Variants in EMID1 observed in about 807,000 individuals in gnomAD.
EMID1 encodes the protein EMI domain-containing protein 1.
A neutral mutation model predicts 60.6 loss-of-function variants in EMID1; 40 were observed. The observed-to-expected ratio is 0.66, with a 90% CI of 0.51 to 0.86. EMID1 has a LOEUF of 0.86. EMID1 is among the 40% of genes least tolerant of loss of function. EMID1 has a pLI of 0.00. For missense variants in EMID1, 585 were observed against 597.1 expected (o/e 0.98, Z 0.21); for synonymous variants, 242 against 231.0 (o/e 1.05, Z -0.43).
At chr22:29,209,758 G>A (rs1008123561) in intron 1 of EMID1, among the ~76,000 whole-genome samples, 6 of 152,182 alleles carry the variant, frequency 3.9e-5, no homozygotes, top group African/African-American at 1.2e-4. Flanking sequence ...GCAAGAGGGA[G>A]GGGCTTTCCA....
intron 3 of EMID1, among the ~76,000 whole-genome samples, chr22:29,218,534 C>T (rs1201600090): frequency 6.6e-6 from 1 of 152,128 alleles, no homozygotes; most frequent in Non-Finnish European, 1.5e-5. Context: ...TTCTGTGCCC[C>T]CAGGCCTCAG....
At chr22:29,249,299 C>T (rs2146422540) in intron 13 of EMID1, among the ~76,000 whole-genome samples, 1 of 152,072 alleles carries the variant, frequency 6.6e-6, no homozygotes, top group Non-Finnish European at 1.5e-5. Flanking sequence ...AGGACGGAGT[C>T]TCTGTCACCC....
At chr22:29,234,466 T>C in intron 12 of EMID1, 117 bp downstream of exon 12, 2 of 1,207,034 alleles carry the variant, frequency 1.7e-6, no homozygotes, top group Non-Finnish European at 2.3e-6. Context: ...TGTCATTTAT[T>C]TTCAGATGCT....
At chr22:29,211,585 TG>T (rs2039885854) in intron 1 of EMID1, among the ~76,000 whole-genome samples, 1 of 152,156 alleles carries the variant, frequency 6.6e-6, no homozygotes, top group Non-Finnish European at 1.5e-5. Context: ...TATGCCTGTG[TG>T]TGTCTGTGTG....
chr22:29,210,642 C>T lies in EMID1; in HGVS notation c.102-4284C>T, dbSNP rs1307707298. ...CAAACTCCTGAGCTGAAACGATCCT[C>T]ATCTCAGCCTCCCAAGTAGCTGTGA... On this transcript the variant is annotated intron_variant, in intron 1 of 14. Transcript: ENST00000334018. Among the ~76,000 whole-genome samples, 6 of 152,182 alleles carry T rather than the reference C, an allele frequency of 3.9e-5. No homozygotes were observed. The East Asian group carries it at 5.8e-4, about 15-fold the overall frequency.
rs541187590 is a variant in EMID1 at position 29,230,090 on chromosome 22, T to G, written c.466-930T>G. 5.9e-5 allele frequency among the ~76,000 whole-genome samples: 9 copies of G among 152,316 alleles called. No individual in the cohort carries two copies. The South Asian group carries it at 1.9e-3, about 32-fold the overall frequency. On this transcript the variant is annotated intron_variant, in intron 5 of 14. Coordinates refer to ENST00000334018, the MANE Select transcript of EMID1 (RefSeq NM_133455.4). ...GCTCACGCCTGTAATCCCAACACTT[T>G]GGGAGGCTGAGATAAGCAGATCACT...
At chr22:29,226,207 A>G (rs538722683) in intron 4 of EMID1, among the ~76,000 whole-genome samples, 12 of 152,300 alleles carry the variant, frequency 7.9e-5, no homozygotes, top group African/African-American at 2.6e-4. Flanking sequence ...GGCTTCTGGG[A>G]AAAGGGTCAT....
At position 29,245,188 on chromosome 22, in the gene EMID1, C is replaced by T. The variant is rs145041817; in HGVS notation, c.1119+1699C>T. Among the ~76,000 whole-genome samples, 461 of 152,268 alleles carry T rather than the reference C, an allele frequency of 3.0e-3. 4 individuals are homozygous for T. Among genetic ancestry groups the T allele is most frequent in the African/African-American group, 0.011 (447 of 41,540 alleles). On this transcript the variant is annotated intron_variant, in intron 13 of 14. Coordinates refer to ENST00000334018, the MANE Select transcript of EMID1 (RefSeq NM_133455.4). ...CTCCTCCTACCCCATACCCATCCTCCGTAGCTCCAGAGTCTCTTAATACTG... is the reference window on the plus strand; with the variant it reads ...CTCCTCCTACCCCATACCCATCCTCTGTAGCTCCAGAGTCTCTTAATACTG...
chr22:29,235,001 C>T (rs745434971), intron 12 of EMID1, among the ~76,000 whole-genome samples: 4 of 151,810 alleles, frequency 2.6e-5, no homozygotes, highest in Non-Finnish European at 4.4e-5. Flanking sequence ...GCTTGGGCAA[C>T]ATGACAAAAC....
At position 29,246,534 on chromosome 22, in the gene EMID1, G is replaced by C. The variant is rs149579779; in HGVS notation, c.1119+3045G>C. Reference sequence around the variant, plus strand: ...GGAGCAAAAAGACACTTGTGTGCTGGTCTGGCTGCAAAAGGGAGTGAGGAG... The same window carrying C: ...GGAGCAAAAAGACACTTGTGTGCTGCTCTGGCTGCAAAAGGGAGTGAGGAG... On this transcript the variant is annotated intron_variant, in intron 13 of 14. Transcript: ENST00000334018. Among the ~76,000 whole-genome samples the C allele has an allele frequency of 2.9e-3, 440 of 152,290 alleles. 1 individual carries two copies. The highest frequency in any genetic ancestry group is 0.01 in the African/African-American group (421 of 41,556).
chr22:29,232,161 G>C (rs2040771889), intron 7 of EMID1, 95 bp from the exon 8 acceptor site: 1 of 1,490,436 alleles, frequency 6.7e-7, no homozygotes, highest in Admixed American at 1.7e-5. Context: ...CCTCTCTCAT[G>C]CCCACTGCTC....
chr22:29,241,198 C>T (rs1418725200), intron 12 of EMID1, among the ~76,000 whole-genome samples: 2 of 152,150 alleles, frequency 1.3e-5, no homozygotes, highest in African/African-American at 4.8e-5. Context: ...CCTACCCTGG[C>T]CCTGGTTCCT....
intron 13 of EMID1, among the ~76,000 whole-genome samples, chr22:29,250,734 T>A (rs957229425): frequency 1.3e-4 from 2 of 15,120 alleles, no homozygotes; most frequent in Non-Finnish European, 2.0e-4. Flanking sequence ...ACCCGGCTAA[T>A]TTTTTTTTTT....
intron 3 of EMID1, 39 bp from the exon 4 acceptor site, chr22:29,225,094 G>A: frequency 2.5e-6 from 4 of 1,605,280 alleles, no homozygotes; most frequent in Non-Finnish European, 3.4e-6. Flanking sequence ...AGGAGGCAAG[G>A]ATCACATGCC....
At chr22:29,227,430 C>T (rs1005368786) in intron 5 of EMID1, among the ~76,000 whole-genome samples, 2 of 151,256 alleles carry the variant, frequency 1.3e-5, no homozygotes, top group African/African-American at 4.9e-5. Flanking sequence ...TACTGCTTGG[C>T]GCAGCGGCTC....
At chr22:29,207,797 C>T (rs1429249975) in intron 1 of EMID1, among the ~76,000 whole-genome samples, 1 of 152,222 alleles carries the variant, frequency 6.6e-6, no homozygotes, top group Non-Finnish European at 1.5e-5. Context: ...CACCTCAGTC[C>T]AGACCAGTCG....
intron 1 of EMID1, among the ~76,000 whole-genome samples, chr22:29,210,406 T>G (rs943166855): frequency 6.6e-6 from 1 of 151,968 alleles, no homozygotes; most frequent in Non-Finnish European, 1.5e-5. Context: ...CTGGCTAATT[T>G]TGTATTTTTA....
At chr22:29,239,583 G>T (rs1432284972) in intron 12 of EMID1, among the ~76,000 whole-genome samples, 1 of 152,188 alleles carries the variant, frequency 6.6e-6, no homozygotes, top group African/African-American at 2.4e-5. Flanking sequence ...TGCAGGTTCT[G>T]ATGTTTGTTG....
chr22:29,210,725 G>GT (rs887436125), intron 1 of EMID1, among the ~76,000 whole-genome samples: 5 of 151,938 alleles, frequency 3.3e-5, no homozygotes, highest in Admixed American at 1.3e-4. Flanking sequence ...GAAAAATACT[G>GT]TTTTTTTTCT....
Sources: allele counts gnomAD v4.1 joint callset (sites outside exome capture counted in the v4.1 genomes callset), GRCh38; gene constraint gnomAD v4.1.1; transcripts MANE v1.5; gene names NCBI Gene and HGNC (gene_info 2026-07-23, HGNC 2026-07-21).